Variants in DYNLT5 observed in about 807,000 individuals in gnomAD.
DYNLT5 encodes the protein dynein light chain Tctex-type 5.
In DYNLT5, 25 loss-of-function variants were observed where a neutral mutation model predicts 19.3. The observed-to-expected ratio is 1.30, with a 90% confidence interval of 0.95 to 1.81. The LOEUF is 1.81. Ranked by LOEUF, DYNLT5 falls within the 40% of genes most tolerant of loss-of-function variation. The pLI, the probability that DYNLT5 is intolerant of heterozygous loss-of-function variation, is 0.00. For synonymous variants in DYNLT5, 82 were observed against 68.9 expected, an observed-to-expected ratio of 1.19 and a Z score of -0.94; for missense variants, 232 against 217.9, an observed-to-expected ratio of 1.06 and a Z score of -0.41.
intron 2 of DYNLT5, among the ~76,000 whole-genome samples, chr1:66,770,181 C>T (rs1645195762): frequency 6.6e-6 from 1 of 152,180 alleles, no homozygotes; most frequent in African/African-American, 2.4e-5. Context: ...ACATTGAGAC[C>T]TGCTCCAAAT....
At chr1:66,758,501 C>T (rs1572543886) in intron 2 of DYNLT5, among the ~76,000 whole-genome samples, 2 of 152,196 alleles carry the variant, frequency 1.3e-5, no homozygotes, top group South Asian at 2.1e-4. Flanking sequence ...ACAGTGATGT[C>T]ATGTTACCAG....
intron 2 of DYNLT5, among the ~76,000 whole-genome samples, chr1:66,760,379 C>T (rs1303104387): frequency 6.6e-6 from 1 of 152,002 alleles, no homozygotes; most frequent in African/African-American, 2.4e-5. Context: ...TTGTGATCAT[C>T]GAATGAATAA....
intron 3 of DYNLT5, among the ~76,000 whole-genome samples, chr1:66,774,787 CCTTA>C (rs1446310498): frequency 1.3e-5 from 2 of 152,160 alleles, no homozygotes; most frequent in Non-Finnish European, 2.9e-5. Context: ...GGGCTGACAA[CCTTA>C]CTTTCACTGG....
chr1:66,765,640 C>CTTTTTTT (rs11399958), intron 2 of DYNLT5, among the ~76,000 whole-genome samples: 1 of 138,750 alleles, frequency 7.2e-6, no homozygotes, highest in African/African-American at 2.6e-5. Context: ...TTTTCTTTTT[C>CTTTTTTT]TTTTTTTTTT....
At chr1:66,767,146 TAA>T (rs36062621) in intron 2 of DYNLT5, among the ~76,000 whole-genome samples, 46 of 148,494 alleles carry the variant, frequency 3.1e-4, no homozygotes, top group Middle Eastern at 7.0e-3. Context: ...AATAATAGTT[TAA>T]AAAAAAAAAA....
intron 2 of DYNLT5, among the ~76,000 whole-genome samples, chr1:66,763,416 T>C (rs1426845577): frequency 6.6e-6 from 1 of 152,202 alleles, no homozygotes; most frequent in East Asian, 1.9e-4. Context: ...AGTCTGTCCT[T>C]TGAAGCTTTG....
intron 1 of DYNLT5, among the ~76,000 whole-genome samples, chr1:66,753,341 A>G (rs6684733): frequency 0.015 from 2,258 of 152,308 alleles, 60 homozygotes; most frequent in African/African-American, 0.051. Context: ...GGGCTCTCAC[A>G]TTTATAGATT....
chr1:66,756,959 G>C (rs72922048), intron 2 of DYNLT5, among the ~76,000 whole-genome samples: 1 of 152,076 alleles, frequency 6.6e-6, no homozygotes, highest in Non-Finnish European at 1.5e-5. Flanking sequence ...TCAGAATTTC[G>C]CTCCATCTCC....
chr1:66,755,328 G>T (rs2094634280), intron 2 of DYNLT5, among the ~76,000 whole-genome samples: 1 of 151,944 alleles, frequency 6.6e-6, no homozygotes, highest in African/African-American at 2.4e-5. Flanking sequence ...TTTCCCAGAA[G>T]AATAATTAGT....
intron 3 of DYNLT5, among the ~76,000 whole-genome samples, chr1:66,774,789 T>A (rs1179559965): frequency 2.6e-5 from 4 of 152,178 alleles, no homozygotes; most frequent in African/African-American, 9.6e-5. Context: ...GCTGACAACC[T>A]TACTTTCACT....
intron 3 of DYNLT5, chr1:66,775,475 A>G (rs1276704504): frequency 1.3e-5 from 2 of 152,262 alleles, no homozygotes; most frequent in Non-Finnish European, 2.9e-5. Flanking sequence ...TTCTATTTAA[A>G]TTCAGAAATC....
At chr1:66,768,889 G>A (rs563944596) in intron 2 of DYNLT5, 1 of 152,282 alleles carries the variant, frequency 6.6e-6, no homozygotes, top group East Asian at 1.9e-4. Context: ...TTTTATACAT[G>A]TACATTAAGC....
intron 3 of DYNLT5, 157 bp from the exon 4 acceptor site, chr1:66,776,122 T>A (rs1645232963): frequency 2.2e-6 from 2 of 917,744 alleles, no homozygotes; most frequent in Non-Finnish European, 3.1e-6. Flanking sequence ...TCAGAGCACT[T>A]GACAGGAAAC....
chr1:66,757,348 ATTAAAT>A (rs1350516255), intron 2 of DYNLT5, among the ~76,000 whole-genome samples: 1 of 152,226 alleles, frequency 6.6e-6, no homozygotes, highest in African/African-American at 2.4e-5. Flanking sequence ...CAAAAAGAAG[ATTAAAT>A]TTATATTAAA....
In DYNLT5 at chr1:66,777,371, A is replaced by G. The variant is rs1275235919; in HGVS notation, c.457A>G (p.Lys153Glu). 1.9e-6 allele frequency: 3 copies of G among 1,613,984 alleles called. No homozygotes were observed. The highest frequency in any genetic ancestry group is 2.2e-5 in the South Asian group (2 of 91,072). ...TGGAAGCAGATGCCTCTGGGATCCTAAAAGTGATACCTTTTCATCTTATGT... is the reference window on the plus strand; with the variant it reads ...TGGAAGCAGATGCCTCTGGGATCCTGAAAGTGATACCTTTTCATCTTATGT... ...LIGSRCLWDP[K>E]SDTFSSYVFR... Residue 153 changes from lysine to glutamate, a missense_variant, in exon 5 of 5, where the codon AAA becomes GAA. Physicochemically the swap from Lys to Glu is moderately conservative, Grantham distance 56 (BLOSUM62 1). Transcript: ENST00000282670.
chr1:66,758,171 T>C (rs1261271365), intron 2 of DYNLT5, among the ~76,000 whole-genome samples: 1 of 152,200 alleles, frequency 6.6e-6, no homozygotes, highest in Non-Finnish European at 1.5e-5. Context: ...AAATTGGCAA[T>C]CCATGTGTGA....
chr1:66,760,297 G>GC lies in DYNLT5; in HGVS notation c.119+5520_119+5521insC, dbSNP rs1557870769. Among the ~76,000 whole-genome samples the GC allele has an allele frequency of 7.9e-5, 12 of 151,776 alleles. No individual in the cohort carries two copies. In the South Asian group the frequency reaches 2.5e-3, roughly 32 times the overall value. Reference sequence around the variant, plus strand: ...GAGACCATAGTTTGTTTTTGTTTTTGTTTTTTTTCCAGTATTGCATCCCAA... The same window carrying GC: ...GAGACCATAGTTTGTTTTTGTTTTTGCTTTTTTTTCCAGTATTGCATCCCAA... On this transcript the variant is annotated intron_variant, in intron 2 of 4. Coordinates refer to ENST00000282670, the MANE Select transcript of DYNLT5 (RefSeq NM_152665.3).
chr1:66,770,860 C>G, intron 3 of DYNLT5: 2 of 278,370 alleles, frequency 7.2e-6, no homozygotes, highest in South Asian at 7.5e-5. Context: ...AAAAAAAACT[C>G]AAAGCAAAGG....
chr1:66,754,835 T>C (rs971279464), intron 2 of DYNLT5, 58 bp downstream of exon 2: 5 of 1,512,214 alleles, frequency 3.3e-6, no homozygotes, highest in Non-Finnish European at 4.4e-6. Flanking sequence ...TCGTAATGTT[T>C]ATTAGGAGAA....
Sources: gnomAD v4.1 joint callset for allele counts (sites outside exome capture counted in the v4.1 genomes callset) on GRCh38, gnomAD v4.1.1 for gene constraint, MANE v1.5 for transcripts, NCBI Gene and HGNC (gene_info 2026-07-23, HGNC 2026-07-21) for gene names.